HIP1: variants seen among roughly 807,000 people sequenced by gnomAD.
HIP1 encodes the protein huntingtin interacting protein 1.
A neutral mutation model predicts 147.6 loss-of-function variants in HIP1; 65 were observed. The observed-to-expected ratio is 0.44, with a 90% confidence interval of 0.36 to 0.54. HIP1 has a LOEUF of 0.54. Among genes scored for constraint, HIP1 ranks in the 20% least tolerant of loss-of-function variants. HIP1 has a pLI of 0.00. For synonymous variants in HIP1, 479 were observed against 504.0 expected (o/e 0.95, Z 0.67); for missense variants, 1,061 against 1,299.6 (o/e 0.82, Z 2.82).
intron 4 of HIP1, among the ~76,000 whole-genome samples, chr7:75,587,886 C>T (rs1372766094): frequency 6.6e-6 from 1 of 152,128 alleles, no homozygotes; most frequent in Non-Finnish European, 1.5e-5. Context: ...ATCACTTGAG[C>T]CCAGGAAGTT....
intron 1 of HIP1, among the ~76,000 whole-genome samples, chr7:75,616,148 G>C (rs145566098): frequency 6.8e-6 from 1 of 146,310 alleles, no homozygotes; most frequent in South Asian, 2.2e-4. Flanking sequence ...CAAAAACAAA[G>C]TATCTCGTAA....
At position 75,545,198 on chromosome 7, in the gene HIP1, TA is replaced by T. The variant is rs782057299; in HGVS notation, c.2560-11del. On this transcript the variant is annotated splice_polypyrimidine_tract_variant and intron_variant, in intron 25 of 30. Transcript: ENST00000336926. ...TAGGGGATGCTGTACCCTAGGGAAA[TA>T]AAAAATAGTAATAGCCACCTTTTAT... 2 of 1,516,788 alleles carry T rather than the reference TA, an allele frequency of 1.3e-6. No individual in the cohort carries two copies. The highest frequency in any genetic ancestry group is 1.8e-6 in the Non-Finnish European group (2 of 1,094,672). 94.0% of individuals were successfully genotyped at this position (1,516,788 alleles called of 1,614,324 possible).
At chr7:75,579,201 T>C (rs1160812524) in intron 7 of HIP1, among the ~76,000 whole-genome samples, 1 of 152,162 alleles carries the variant, frequency 6.6e-6, no homozygotes, top group Non-Finnish European at 1.5e-5. Flanking sequence ...GACTAGATTC[T>C]GCGTTTTATT....
At chr7:75,563,335 C>T in intron 9 of HIP1, 72 bp from the exon 10 acceptor site, 3 of 1,381,124 alleles carry the variant, frequency 2.2e-6, no homozygotes, top group Non-Finnish European at 3.1e-6. Flanking sequence ...GAGCAGCCAC[C>T]TGGCTTTCCT....
chr7:75,673,661 T>C (rs1799794253), intron 1 of HIP1, among the ~76,000 whole-genome samples: 1 of 152,014 alleles, frequency 6.6e-6, no homozygotes, highest in Non-Finnish European at 1.5e-5. Context: ...TTTTCATAGC[T>C]AGCATATAGA....
intron 13 of HIP1, among the ~76,000 whole-genome samples, chr7:75,560,983 T>C (rs1333916278): frequency 6.6e-6 from 1 of 151,430 alleles, no homozygotes; most frequent in Admixed American, 6.6e-5. Context: ...GACAGAGTCT[T>C]GTTCTATCGC....
At chr7:75,635,755 G>GT (rs1798402950) in intron 1 of HIP1, among the ~76,000 whole-genome samples, 1 of 151,906 alleles carries the variant, frequency 6.6e-6, no homozygotes, top group Admixed American at 6.6e-5. Context: ...ATGTACAGTG[G>GT]CTCACACCTA....
intron 5 of HIP1, among the ~76,000 whole-genome samples, chr7:75,585,098 C>G (rs919125530): frequency 2.6e-5 from 4 of 152,060 alleles, no homozygotes; most frequent in African/African-American, 9.7e-5. Context: ...GATCCTCCTG[C>G]CTTGGCCTTC....
At chr7:75,611,859 GA>G in intron 1 of HIP1, 1 of 1,021,764 alleles carries the variant, frequency 9.8e-7, no homozygotes, top group Non-Finnish European at 1.2e-6. Context: ...GGCACCGCAG[GA>G]AGGGCGCCTT....
At chr7:75,645,801 C>T (rs1478838238) in intron 1 of HIP1, among the ~76,000 whole-genome samples, 3 of 152,168 alleles carry the variant, frequency 2.0e-5, no homozygotes, top group Admixed American at 2.0e-4. Flanking sequence ...AACATGGATG[C>T]AGCTGAAGGC....
At chr7:75,564,665 G>A (rs1044664054) in intron 9 of HIP1, among the ~76,000 whole-genome samples, 12 of 152,268 alleles carry the variant, frequency 7.9e-5, no homozygotes, top group African/African-American at 2.9e-4. Flanking sequence ...CAAAATCATA[G>A]CTCACTGCAG....
At chr7:75,648,761 G>A (rs1554511467) in intron 1 of HIP1, among the ~76,000 whole-genome samples, 1 of 152,076 alleles carries the variant, frequency 6.6e-6, no homozygotes, top group Non-Finnish European at 1.5e-5. Context: ...GCGGCACAGA[G>A]ACACCCTGCC....
chr7:75,729,119 A>AC (rs1451105560), intron 1 of HIP1, among the ~76,000 whole-genome samples: 2 of 151,028 alleles, frequency 1.3e-5, no homozygotes, highest in Admixed American at 1.3e-4. Context: ...GAAAAAAAAA[A>AC]ACCAAAATTC....
chr7:75,667,055 CA>C (rs1247945027), intron 1 of HIP1, among the ~76,000 whole-genome samples: 3 of 151,962 alleles, frequency 2.0e-5, no homozygotes, highest in African/African-American at 7.3e-5. Context: ...GAAATATGCT[CA>C]AATGTTAAGA....
intron 1 of HIP1, among the ~76,000 whole-genome samples, chr7:75,659,085 T>C (rs1185623827): frequency 1.3e-5 from 2 of 152,240 alleles, no homozygotes; most frequent in Non-Finnish European, 2.9e-5. Flanking sequence ...CACACTGCTT[T>C]GGGTCATTTT....
At chr7:75,683,183 A>G (rs1554517160) in intron 1 of HIP1, among the ~76,000 whole-genome samples, 1 of 151,862 alleles carries the variant, frequency 6.6e-6, no homozygotes, top group Non-Finnish European at 1.5e-5. Flanking sequence ...GGGTTTCACC[A>G]TGTTAGTCAG....
At chr7:75,572,391 G>A (rs958605174) in intron 8 of HIP1, among the ~76,000 whole-genome samples, 3 of 152,164 alleles carry the variant, frequency 2.0e-5, no homozygotes, top group Admixed American at 2.0e-4. Context: ...AATTCCATTT[G>A]CACAAAGGGA....
intron 1 of HIP1, among the ~76,000 whole-genome samples, chr7:75,611,491 A>T (rs1554504948): frequency 6.6e-6 from 1 of 151,672 alleles, no homozygotes; most frequent in Non-Finnish European, 1.5e-5. Context: ...AGAAAAAAAA[A>T]AGTCCCAGGT....
At chr7:75,578,734 A>G (rs1157719203) in intron 7 of HIP1, among the ~76,000 whole-genome samples, 4 of 152,202 alleles carry the variant, frequency 2.6e-5, no homozygotes, top group East Asian at 1.9e-4. Flanking sequence ...AATTATCCAC[A>G]TACGTTGTTC....
Sources: allele counts gnomAD v4.1 joint callset (sites outside exome capture counted in the v4.1 genomes callset), GRCh38; gene constraint gnomAD v4.1.1; transcripts MANE v1.5; gene names NCBI Gene and HGNC (gene_info 2026-07-23, HGNC 2026-07-21).